Variants in GSE1 observed in about 807,000 individuals in gnomAD.
GSE1 encodes Gse1 coiled-coil protein, also known as genetic suppressor element 1.
GSE1 carries 32 observed loss-of-function variants against 112.6 expected under a neutral mutation model. That is an observed-to-expected ratio of 0.28 (90% confidence interval 0.21 to 0.38). The LOEUF is 0.38. GSE1 is among the 10% of genes least tolerant of loss of function. The pLI, the probability that GSE1 is intolerant of heterozygous loss-of-function variation, is 1.00. For synonymous variants in GSE1, 1,115 were observed against 735.6 expected (o/e 1.52, Z -8.35); for missense variants, 2,348 against 1,699.2 (o/e 1.38, Z -6.71).
intron 2 of GSE1, among the ~76,000 whole-genome samples, chr16:85,641,251 G>A (rs972464413): frequency 2.6e-5 from 4 of 152,238 alleles, no homozygotes; most frequent in South Asian, 2.1e-4. Context: ...GGACTCTCCC[G>A]GCTCCATCCG....
Position 85,519,839 on chromosome 16 carries a change from T to G in GSE1, c.2465-114075T>G, listed in dbSNP as rs115655174. 3.5e-3 allele frequency among the ~76,000 whole-genome samples: 540 copies of G among 152,346 alleles called. 3 individuals are homozygous for G. Among genetic ancestry groups the G allele is most frequent in the African/African-American group, 0.013 (521 of 41,590 alleles). ...GTCATTCATGGCTAAGGAGTCCAAG[T>G]GCTCCCCTTCCTTCCTGAGACTGGT... On this transcript the variant is annotated intron_variant, in intron 2 of 2. Transcript: ENST00000637419.
chr16:85,645,326 A>G (rs1373781882), intron 2 of GSE1, among the ~76,000 whole-genome samples: 1 of 151,840 alleles, frequency 6.6e-6, no homozygotes, highest in Admixed American at 6.6e-5. Context: ...GTTGCTGGGG[A>G]GAATGTGAAC....
chr16:85,613,542 G>T (rs1253665068), intron 1 of GSE1, 144 bp downstream of exon 1: 4 of 796,964 alleles, frequency 5.0e-6, no homozygotes, highest in South Asian at 1.9e-5. Flanking sequence ...GATAAGAGCC[G>T]GGAGGGCGGG....
chr16:85,648,521 C>G, intron 2 of GSE1, 31 bp from the exon 3 acceptor site: 1 of 1,266,262 alleles, frequency 7.9e-7, no homozygotes, highest in African/African-American at 1.5e-5. Flanking sequence ...CACTGCGGCT[C>G]CCACTCAGGC....
chr16:85,648,740 G>T lies in GSE1; in HGVS notation c.415G>T (p.Glu139Ter). 6.3e-7 allele frequency: 1 copy of T among 1,587,696 alleles called. No individual in the cohort carries two copies. ...AACCGTGAATGGTGTCTGGAGGAGT[G>T]AGAGCCGGCAGGTGAGTGGGGCGGG... ...TKTVNGVWRS[E>*]SRQDAGSRSS... Residue 139 changes from glutamate (E) to a stop codon, truncating the protein, a stop_gained, in exon 3 of 16, where the codon GAG becomes TAG. Coordinates refer to ENST00000253458, the MANE Select transcript of GSE1 (RefSeq NM_014615.5). LOFTEE classifies it high-confidence loss of function.
chr16:85,556,039 C>A, exon 1 of GSE1: 1 of 985,028 alleles, frequency 1.0e-6, no homozygotes, highest in Non-Finnish European at 1.2e-6. Context: ...GGCTCCGGCC[C>A]GTCCTTGGTC....
At chr16:85,321,719 CA>C (rs902789786) in intron 1 of GSE1, among the ~76,000 whole-genome samples, 2 of 150,740 alleles carry the variant, frequency 1.3e-5, no homozygotes, top group African/African-American at 2.4e-5. Flanking sequence ...GTGGCTGAGG[CA>C]GGGGGATCGC....
chr16:85,355,497 AC>A (rs2046933415), intron 1 of GSE1, among the ~76,000 whole-genome samples: 1 of 152,220 alleles, frequency 6.6e-6, no homozygotes, highest in Admixed American at 6.5e-5. Flanking sequence ...GGATGGGCCA[AC>A]AACAGCAGCC....
At chr16:85,225,194 A>T (rs2075463172) in intron 1 of GSE1, among the ~76,000 whole-genome samples, 1 of 152,124 alleles carries the variant, frequency 6.6e-6, no homozygotes, top group Non-Finnish European at 1.5e-5. Flanking sequence ...TGCAACACAG[A>T]CATCACACAC....
chr16:85,588,345 C>T (rs2046805320), intron 1 of GSE1, among the ~76,000 whole-genome samples: 3 of 152,208 alleles, frequency 2.0e-5, no homozygotes, highest in Admixed American at 6.5e-5. Context: ...CTGACTGGCC[C>T]CCCCTTCCCC....
chr16:85,669,192 C>T (rs926866020), intron 14 of GSE1, among the ~76,000 whole-genome samples: 5 of 152,266 alleles, frequency 3.3e-5, no homozygotes, highest in African/African-American at 4.8e-5. Context: ...GGTACCCAGC[C>T]TTCATTTTGC....
chr16:85,218,716 C>T (rs2075343234), intron 1 of GSE1, among the ~76,000 whole-genome samples: 1 of 152,256 alleles, frequency 6.6e-6, no homozygotes. Flanking sequence ...GACCTGCCTT[C>T]TGCAGGTCCT....
intron 1 of GSE1, among the ~76,000 whole-genome samples, chr16:85,626,706 G>A (rs1468787836): frequency 6.6e-6 from 1 of 152,218 alleles, no homozygotes; most frequent in African/African-American, 2.4e-5. Context: ...GAGCACAGAG[G>A]GAGCAGGCCT....
intron 2 of GSE1, among the ~76,000 whole-genome samples, chr16:85,445,442 G>A (rs376711397): frequency 3.9e-5 from 6 of 152,206 alleles, no homozygotes; most frequent in African/African-American, 1.4e-4. Context: ...CACAGCGAGG[G>A]GGGGCGGCCA....
chr16:85,281,337 C>T (rs1237479749), intron 1 of GSE1, among the ~76,000 whole-genome samples: 1 of 151,888 alleles, frequency 6.6e-6, no homozygotes, highest in Admixed American at 6.6e-5. Context: ...GACGTTCACA[C>T]CCTCCAAACC....
intron 1 of GSE1, among the ~76,000 whole-genome samples, chr16:85,620,173 C>G (rs977275846): frequency 3.3e-5 from 5 of 152,178 alleles, no homozygotes; most frequent in African/African-American, 4.8e-5. Context: ...GTGGTTCCAG[C>G]TACTCAGGAG....
chr16:85,530,666 A>G (rs975686234), intron 2 of GSE1, among the ~76,000 whole-genome samples: 2 of 152,202 alleles, frequency 1.3e-5, no homozygotes, highest in African/African-American at 4.8e-5. Flanking sequence ...AATTTGAAAC[A>G]CAAATGGAAA....
intron 2 of GSE1, among the ~76,000 whole-genome samples, chr16:85,384,923 G>A (rs1289486219): frequency 2.0e-5 from 3 of 152,244 alleles, no homozygotes; most frequent in Non-Finnish European, 2.9e-5. Context: ...TAGGAGATCC[G>A]GCCTTGCATC....
chr16:85,573,851 T>A (rs749878185), intron 1 of GSE1, among the ~76,000 whole-genome samples: 1 of 152,168 alleles, frequency 6.6e-6, no homozygotes, highest in Non-Finnish European at 1.5e-5. Flanking sequence ...TCCTGGGAAC[T>A]CAAGAAAATG....
Sources: allele counts gnomAD v4.1 joint callset (sites outside exome capture counted in the v4.1 genomes callset), GRCh38; gene constraint gnomAD v4.1.1; transcripts MANE v1.5; gene names NCBI Gene and HGNC (gene_info 2026-07-23, HGNC 2026-07-21).